The following GRAMD4 variants were observed in gnomAD, a reference collection of about 807,000 sequenced individuals.
GRAMD4 encodes GRAM domain containing 4, also known as GRAM domain-containing protein 4.
GRAMD4 carries 25 observed loss-of-function variants against 83.9 expected under a neutral mutation model. The observed-to-expected ratio is 0.30, with a 90% CI of 0.22 to 0.42. GRAMD4 has a LOEUF of 0.42. Ranked by LOEUF, GRAMD4 falls within the 10% of genes least tolerant of loss-of-function variation. The pLI, the probability that GRAMD4 is intolerant of heterozygous loss-of-function variation, is 1.00. For missense variants in GRAMD4, 593 were observed against 788.7 expected (o/e 0.75, Z 2.97); for synonymous variants, 336 against 320.9 (o/e 1.05, Z -0.50).
intron 1 of GRAMD4, among the ~76,000 whole-genome samples, chr22:46,606,933 G>A (rs1048619944): frequency 2.0e-5 from 3 of 152,224 alleles, no homozygotes; most frequent in Admixed American, 6.5e-5. Flanking sequence ...AATTTTTTGA[G>A]GAGCTGTCGC....
rs2082644604 is a variant in GRAMD4, at chr22:46,679,405, C to G, written c.*2154C>G. On this transcript the variant is annotated 3_prime_UTR_variant, in exon 19 of 19. Transcript: ENST00000406902. ...CGGGGGGTCGGGGGAGGGCCACCGA[C>G]TGGCTCTGCTGCCAGCACAGGCCCC... 4 of 985,360 alleles carry G rather than the reference C, an allele frequency of 4.1e-6. No homozygotes were observed. The highest frequency in any genetic ancestry group is 4.8e-6 in the Non-Finnish European group (4 of 829,950). The allele number at this position is 985,360 out of a possible 1,614,324, so 61.0% of individuals were successfully genotyped here.
Position 46,664,080 on chromosome 22 carries a change from A to G in GRAMD4, c.680A>G (p.Asp227Gly), listed in dbSNP as rs749525708. The change falls in exon 8 of 19, where the codon GAC (aspartate) becomes GGC (glycine). Residue 227 changes from aspartate (D) to glycine (G), a missense_variant. Physicochemically the swap from Asp to Gly is moderately conservative, Grantham distance 94. Around this residue, in one of 4 missense-constraint regions of GRAMD4, gnomAD observed 312 missense variants for 350.7 expected, o/e 0.89. Transcript: ENST00000406902. ...GTGAAGAACCTCTCTGCCTTATCCG[A>G]CTGGTACTCCGTCTACACGTCTGCC... ...NFVKNLSALS[D>G]WYSVYTSAIA... 6.2e-7 allele frequency: 1 copy of G among 1,613,186 alleles called. No homozygotes were observed. Among genetic ancestry groups the G allele is most frequent in the Non-Finnish European group, 8.5e-7 (1 of 1,179,798 alleles).
chr22:46,602,507 A>G (rs1012370795), intron 1 of GRAMD4, among the ~76,000 whole-genome samples: 1 of 152,124 alleles, frequency 6.6e-6, no homozygotes, highest in African/African-American at 2.4e-5. Context: ...TACAAAAAGT[A>G]CAAAAATTAG....
chr22:46,666,664 G>A (rs1218556813), intron 9 of GRAMD4, among the ~76,000 whole-genome samples, 161 bp from the exon 10 acceptor site: 6 of 152,170 alleles, frequency 3.9e-5, no homozygotes, highest in African/African-American at 1.2e-4. Context: ...TGCTCTCACA[G>A]CAGGGGGTTC....
At chr22:46,600,846 AAAG>A (rs1041848764) in intron 1 of GRAMD4, among the ~76,000 whole-genome samples, 1 of 152,230 alleles carries the variant, frequency 6.6e-6, no homozygotes, top group Non-Finnish European at 1.5e-5. Context: ...CTTTCTTTAA[AAAG>A]AAATCACTAC....
intron 3 of GRAMD4, among the ~76,000 whole-genome samples, chr22:46,656,689 G>C (rs986141385): frequency 2.0e-5 from 3 of 152,254 alleles, no homozygotes; most frequent in Admixed American, 6.5e-5. Flanking sequence ...AAGGGTTCCT[G>C]CCTCACGCTG....
chr22:46,634,562 G>T (rs1411142516), intron 2 of GRAMD4, among the ~76,000 whole-genome samples: 1 of 152,206 alleles, frequency 6.6e-6, no homozygotes, highest in African/African-American at 2.4e-5. Context: ...AGGGGTCCTG[G>T]AACTGCCCAA....
chr22:46,669,738 G>C (rs753692269), intron 13 of GRAMD4, among the ~76,000 whole-genome samples: 1 of 152,108 alleles, frequency 6.6e-6, no homozygotes, highest in Non-Finnish European at 1.5e-5. Context: ...ACCACGCCCA[G>C]CTAATTTTTT....
chr22:46,643,164 C>G (rs1601620050), intron 3 of GRAMD4, among the ~76,000 whole-genome samples: 1 of 151,480 alleles, frequency 6.6e-6, no homozygotes, highest in South Asian at 2.1e-4. Context: ...TCCATCCATC[C>G]ATCCATCCAT....
In GRAMD4 at chr22:46,675,579, A is replaced by G. The variant is rs748892958; in HGVS notation, c.1563+27A>G. 32 of 1,416,152 alleles carry G rather than the reference A, an allele frequency of 2.3e-5. 1 individual carries two copies. The South Asian group carries it at 3.6e-4, about 16-fold the overall frequency. The allele number at this position is 1,416,152 out of a possible 1,614,324, so 87.7% of individuals were successfully genotyped here. On this transcript the variant is annotated intron_variant, in intron 17 of 18. Transcript: ENST00000406902. ...TTGGTGCACCTACCCACCCCCACTA[A>G]CCCCCGTGTTTTCTTCGTCACCTGA...
rs2082299205 is a variant in GRAMD4, at chr22:46,659,657, T to C, written c.404+1350T>C. Among the ~76,000 whole-genome samples the C allele has an allele frequency of 6.6e-6, 1 of 152,142 alleles. No homozygotes were observed. The highest frequency in any genetic ancestry group is 1.9e-4 in the East Asian group (1 of 5,184). ...GGGGATCCGCTGGGCTGACTCCCAC[T>C]TCTTCCTTGCCCGCCTCCTGCAGGT... On this transcript the variant is annotated intron_variant, in intron 4 of 18. Transcript: ENST00000406902. This position sits in a 1 kb window ranked among gnomAD's most constrained non-coding sequence, Gnocchi z 4.1.
Position 46,679,343 on chromosome 22 carries a change from G to A in GRAMD4, c.*2092G>A. The A allele has an allele frequency of 1.0e-6, 1 of 984,342 alleles. No homozygotes were observed. Among genetic ancestry groups the A allele is most frequent in the Non-Finnish European group, 1.2e-6 (1 of 829,928 alleles). 61.0% of individuals were successfully genotyped at this position (984,342 alleles called of 1,614,324 possible). A position where few individuals can be genotyped will look rare whatever the true frequency, so the allele number is the denominator to read the frequency against. ...GATGAAAACTGACCACGTGCCAGGTGTGGCCGAAGCCCCCAGGGAGGGCCA... is the reference window on the plus strand; with the variant it reads ...GATGAAAACTGACCACGTGCCAGGTATGGCCGAAGCCCCCAGGGAGGGCCA... On this transcript the variant is annotated 3_prime_UTR_variant, in exon 19 of 19. Transcript: ENST00000406902.
chr22:46,658,853 C>T (rs954713919), intron 4 of GRAMD4, among the ~76,000 whole-genome samples: 3 of 151,284 alleles, frequency 2.0e-5, no homozygotes, highest in East Asian at 2.0e-4. Context: ...GCGCCAGTGC[C>T]GCCCTGGCTC....
rs547421150 is a variant in GRAMD4, at chr22:46,581,667, T to C, written c.-50+4377T>C. Among the ~76,000 whole-genome samples the C allele has an allele frequency of 4.6e-5, 7 of 152,380 alleles. No homozygotes were observed. In the East Asian group the frequency reaches 7.7e-4, roughly 17 times the overall value. Reference sequence around the variant, plus strand: ...TCTAAGCATGAGACATGATTTATTTTCGTACCAACTGGAGGTAGGTGCTCT... The same window carrying C: ...TCTAAGCATGAGACATGATTTATTTCCGTACCAACTGGAGGTAGGTGCTCT... On this transcript the variant is annotated intron_variant, in intron 1 of 1. Transcript: ENST00000431155.
At chr22:46,617,487 G>A (rs151197569), upstream of GRAMD4, among the ~76,000 whole-genome samples, 5 of 151,360 alleles carry the variant, frequency 3.3e-5, no homozygotes, top group Non-Finnish European at 7.4e-5. Context: ...TCCCCTGTGC[G>A]TGTAGGTTTC....
chr22:46,621,497 C>T lies in GRAMD4; in HGVS notation c.-50+932C>T, dbSNP rs895550598. ...GGCTGGAGGCGTAGCCCGGGCCCAT[C>T]CCTGGCGGTGTGTCGCGGAGGGCAC... On this transcript the variant is annotated intron_variant, in intron 1 of 18. Transcript: ENST00000406902. This position sits in a 1 kb window ranked among gnomAD's most constrained non-coding sequence, Gnocchi z 5.8. Among the ~76,000 whole-genome samples, 19 of 151,200 alleles carry T rather than the reference C, an allele frequency of 1.3e-4. No individual in the cohort carries two copies. In the East Asian group the frequency reaches 3.6e-3, roughly 28 times the overall value.
Position 46,674,767 on chromosome 22 carries a change from G to A in GRAMD4, c.1478+17G>A, listed in dbSNP as rs776354843. The A allele has an allele frequency of 1.6e-5, 24 of 1,544,032 alleles. No individual in the cohort carries two copies. Among genetic ancestry groups the A allele is most frequent in the African/African-American group, 1.1e-4 (8 of 73,664 alleles). On this transcript the variant is annotated intron_variant, in intron 16 of 18. Transcript: ENST00000406902. Reference sequence around the variant, plus strand: ...CACGGAGAAGTGAGTGCAGCCGTGGGGCCCTGTGTGGCTGCAGGGGAGGGG... The same window carrying A: ...CACGGAGAAGTGAGTGCAGCCGTGGAGCCCTGTGTGGCTGCAGGGGAGGGG...
chr22:46,657,406 G>C (rs563240633), intron 3 of GRAMD4, among the ~76,000 whole-genome samples: 6 of 152,362 alleles, frequency 3.9e-5, no homozygotes, highest in African/African-American at 1.4e-4. Flanking sequence ...GGATGGGGCA[G>C]AGGAAGCGGG....
chr22:46,668,231 G>C, intron 11 of GRAMD4, 64 bp downstream of exon 11: 2 of 1,160,546 alleles, frequency 1.7e-6, no homozygotes. Context: ...CCAGGGGTGT[G>C]TCTACGCCGG....
Sources: allele counts gnomAD v4.1 joint callset (sites outside exome capture counted in the v4.1 genomes callset), GRCh38; gene constraint gnomAD v4.1.1; regional missense constraint gnomAD v4.1.1; non-coding constraint Gnocchi (gnomAD v3.1); transcripts MANE v1.5; gene names NCBI Gene and HGNC (gene_info 2026-07-23, HGNC 2026-07-21).